Variants in DGKG observed in about 807,000 individuals in gnomAD.
DGKG encodes the protein diacylglycerol kinase gamma, also known as DAG kinase gamma.
In DGKG, 78 loss-of-function variants were observed where a neutral mutation model predicts 105.3. The ratio of observed to expected loss-of-function variants is 0.74; its 90% CI spans 0.62 to 0.89. The LOEUF (loss-of-function observed/expected upper bound fraction) is 0.89. Among genes scored for constraint, DGKG ranks in the 40% least tolerant of loss-of-function variants. DGKG has a pLI of 0.00. For missense variants in DGKG, 958 were observed against 1,020.1 expected, an observed-to-expected ratio of 0.94 and a Z score of 0.83; for synonymous variants, 346 against 367.1, an observed-to-expected ratio of 0.94 and a Z score of 0.66.
intron 1 of DGKG, among the ~76,000 whole-genome samples, chr3:186,331,870 A>C (rs78657911): frequency 0.014 from 2,115 of 152,322 alleles, 52 homozygotes; most frequent in African/African-American, 0.048. Context: ...CGCTTTGCAA[A>C]CTTCATCTGT....
intron 19 of DGKG, among the ~76,000 whole-genome samples, chr3:186,248,577 G>C (rs1291351638): frequency 6.6e-6 from 1 of 152,190 alleles, no homozygotes; most frequent in African/African-American, 2.4e-5. Context: ...ACCTTACCCA[G>C]ACCTACTGAG....
At chr3:186,176,382 C>T (rs1452709765) in intron 22 of DGKG, among the ~76,000 whole-genome samples, 3 of 152,196 alleles carry the variant, frequency 2.0e-5, no homozygotes, top group African/African-American at 7.2e-5. Context: ...GCTCAACAGG[C>T]TGCCTACAGC....
intron 5 of DGKG, among the ~76,000 whole-genome samples, chr3:186,290,962 A>C (rs1207642104): frequency 6.6e-6 from 1 of 152,078 alleles, no homozygotes; most frequent in African/African-American, 2.4e-5. Flanking sequence ...CAGGGTAGAA[A>C]CCCCCCATAA....
intron 20 of DGKG, among the ~76,000 whole-genome samples, chr3:186,229,551 G>A (rs62289012): frequency 0.21 from 31,659 of 152,098 alleles, 3,535 homozygotes; most frequent in Middle Eastern, 0.28. Context: ...GGCCAGACAT[G>A]CAGCTTTTAG....
At chr3:186,358,207 A>G (rs1727065048) in intron 1 of DGKG, among the ~76,000 whole-genome samples, 1 of 152,254 alleles carries the variant, frequency 6.6e-6, no homozygotes, top group South Asian at 2.1e-4. Context: ...AGGATTAGAC[A>G]TGGTCTCTGC....
chr3:186,198,651 T>G (rs1718299212), intron 21 of DGKG, among the ~76,000 whole-genome samples: 1 of 152,222 alleles, frequency 6.6e-6, no homozygotes, highest in South Asian at 2.1e-4. Context: ...CAAGTGACCA[T>G]GATGACATCA....
intron 19 of DGKG, among the ~76,000 whole-genome samples, chr3:186,245,201 T>C (rs1279037490): frequency 6.6e-6 from 1 of 152,214 alleles, no homozygotes; most frequent in Non-Finnish European, 1.5e-5. Flanking sequence ...AACTAGGTTT[T>C]GCAAAGATGC....
intron 24 of DGKG, among the ~76,000 whole-genome samples, chr3:186,152,410 C>T (rs1309188607): frequency 6.6e-6 from 1 of 152,154 alleles, no homozygotes; most frequent in African/African-American, 2.4e-5. Flanking sequence ...ATTCTTTGTT[C>T]CCCTGTGGAA....
intron 14 of DGKG, among the ~76,000 whole-genome samples, chr3:186,262,509 C>G (rs1721823812): frequency 6.6e-6 from 1 of 152,350 alleles, no homozygotes; most frequent in Middle Eastern, 3.4e-3. Flanking sequence ...CATCCCCACA[C>G]AGTTCCTTCC....
At chr3:186,352,374 C>T (rs553664213) in intron 1 of DGKG, among the ~76,000 whole-genome samples, 1 of 152,094 alleles carries the variant, frequency 6.6e-6, no homozygotes, top group Non-Finnish European at 1.5e-5. Context: ...CAGGTACTGG[C>T]AATACATTGA....
At chr3:186,190,068 CCT>C (rs1335243818) in intron 21 of DGKG, among the ~76,000 whole-genome samples, 10 of 152,148 alleles carry the variant, frequency 6.6e-5, no homozygotes, top group African/African-American at 2.4e-4. Flanking sequence ...CTATGACTAT[CCT>C]CTTTTTACAC....
intron 21 of DGKG, among the ~76,000 whole-genome samples, chr3:186,207,092 C>T (rs1030894517): frequency 1.3e-5 from 2 of 152,184 alleles, no homozygotes; most frequent in Non-Finnish European, 2.9e-5. Flanking sequence ...ATTTATGGAG[C>T]ACCCAGTTTC....
At chr3:186,150,711 G>GTGCC (rs1365431849) in intron 24 of DGKG, among the ~76,000 whole-genome samples, 28 of 152,224 alleles carry the variant, frequency 1.8e-4, no homozygotes, top group Non-Finnish European at 1.9e-4. Context: ...TCCCAATTGA[G>GTGCC]TGCCTTATGT....
Position 186,161,670 on chromosome 3 carries a change from C to T in DGKG, c.2217-7G>A, listed in dbSNP as rs1365164295. On this transcript the variant is annotated splice_polypyrimidine_tract_variant and splice_region_variant and intron_variant, in intron 23 of 24. Transcript: ENST00000265022. ...TGGCAGCAGCTTGTTTGTCCTGGAA[C>T]CCAGAACACCAAGAGAACACAGTGA... 5 of 1,614,160 alleles carry T rather than the reference C, an allele frequency of 3.1e-6. No homozygotes were observed. The highest frequency in any genetic ancestry group is 3.3e-4 in the Middle Eastern group (2 of 6,062).
At chr3:186,237,036 C>A (rs1287578438) in intron 20 of DGKG, among the ~76,000 whole-genome samples, 2 of 152,190 alleles carry the variant, frequency 1.3e-5, no homozygotes, top group Non-Finnish European at 2.9e-5. Context: ...CTGGAAACTT[C>A]ATGGTGGGCT....
chr3:186,242,674 A>G, intron 19 of DGKG, 106 bp from the exon 20 acceptor site: 1 of 918,162 alleles, frequency 1.1e-6, no homozygotes, highest in East Asian at 2.7e-5. Flanking sequence ...CAACCCTGGG[A>G]CTCTATCTAT....
chr3:186,349,779 A>G (rs1013007822), intron 1 of DGKG, among the ~76,000 whole-genome samples: 5 of 152,198 alleles, frequency 3.3e-5, no homozygotes, highest in African/African-American at 1.2e-4. Flanking sequence ...TACATGGTAA[A>G]ATATGCATAA....
intron 1 of DGKG, among the ~76,000 whole-genome samples, chr3:186,346,290 C>A (rs144487841): frequency 6.6e-6 from 1 of 152,266 alleles, no homozygotes; most frequent in Non-Finnish European, 1.5e-5. Flanking sequence ...TCTTTGAATA[C>A]CATTTTTCAT....
intron 21 of DGKG, among the ~76,000 whole-genome samples, chr3:186,192,319 T>G (rs576467216): frequency 1.1e-4 from 16 of 152,254 alleles, no homozygotes; most frequent in Middle Eastern, 3.4e-3. Context: ...CACATTTTCT[T>G]TTATCCTTAT....
Sources: allele counts gnomAD v4.1 joint callset (sites outside exome capture counted in the v4.1 genomes callset), GRCh38; gene constraint gnomAD v4.1.1; transcripts MANE v1.5; gene names NCBI Gene and HGNC (gene_info 2026-07-23, HGNC 2026-07-21).